MYH1: variants seen among roughly 807,000 people sequenced by gnomAD.
MYH1 encodes the protein myosin heavy chain 1, also known as myosin-1.
A neutral mutation model predicts 225.6 loss-of-function variants in MYH1; 214 were observed. The ratio of observed to expected loss-of-function variants is 0.95; its 90% CI spans 0.85 to 1.06. MYH1 has a LOEUF of 1.06. Among genes scored for constraint, MYH1 ranks in the 50% least tolerant of loss-of-function variants. The pLI is 0.00. For synonymous variants in MYH1, 774 were observed against 842.3 expected, an observed-to-expected ratio of 0.92 and a Z score of 1.40; for missense variants, 2,098 against 2,344.2, an observed-to-expected ratio of 0.89 and a Z score of 2.17.
Position 10,508,386 on chromosome 17 carries a change from A to G in MYH1, c.1874T>C (p.Val625Ala), listed in dbSNP as rs1256405555. 10 of 1,607,116 alleles carry G rather than the reference A, an allele frequency of 6.2e-6. No individual in the cohort carries two copies. The highest frequency in any genetic ancestry group is 8.5e-6 in the Non-Finnish European group (10 of 1,176,498). Residue 625 changes from valine to alanine, a missense_variant, in exon 16 of 40, where the codon GTT (valine) becomes GCT (alanine). Physicochemically the swap from Val to Ala is moderately conservative, Grantham distance 64 (BLOSUM62 0). Coordinates refer to ENST00000226207, the MANE Select transcript of MYH1 (RefSeq NM_005963.4). ...SAMKTLALLF[V>A]GATGAEAEAG... ...ACCTGCTTCCGCTCCCGTTGCCCCA[A>G]CAAAGAGGAGAGCCAGAGTCTTCAT...
Position 10,513,657 on chromosome 17 carries a change from T to G in MYH1, c.774A>C (p.Thr258=). ...GKFIRIHFGT[T]GKLASADIET... is the part of the protein sequence containing the mutation. Reference sequence around the variant, plus strand: ...CAATATCAGCAGAAGCCAGTTTCCCTGTGGTACCGAAGTGGATCCTGATGA... The same window carrying G: ...CAATATCAGCAGAAGCCAGTTTCCCGGTGGTACCGAAGTGGATCCTGATGA... Residue 258 remains threonine (T), a synonymous_variant, in exon 9 of 40, where the codon ACA becomes ACC. Coordinates refer to ENST00000226207, the MANE Select transcript of MYH1 (RefSeq NM_005963.4). 6.2e-7 allele frequency: 1 copy of G among 1,614,120 alleles called. No homozygotes were observed. The highest frequency in any genetic ancestry group is 8.5e-7 in the Non-Finnish European group (1 of 1,179,960).
Position 10,501,270 on chromosome 17 carries a change from G to T in MYH1, c.3578C>A (p.Ala1193Glu), listed in dbSNP as rs563239651. 6.2e-7 allele frequency: 1 copy of T among 1,614,060 alleles called. No individual in the cohort carries two copies. The highest frequency in any genetic ancestry group is 1.7e-5 in the Admixed American group (1 of 60,006). Reference sequence around the variant, plus strand: ...TGCATGCTTCTTCCTCAGGGTGGCCGCCGTGGCTTCATGCTGTAGGGTGGC... The same window carrying T: ...TGCATGCTTCTTCCTCAGGGTGGCCTCCGTGGCTTCATGCTGTAGGGTGGC... ...EEATLQHEAT[A>E]ATLRKKHADS... Residue 1193 changes from alanine (A) to glutamate (E), a missense_variant, in exon 27 of 40, where the codon GCG becomes GAG. Coordinates refer to ENST00000226207, the MANE Select transcript of MYH1 (RefSeq NM_005963.4).
chr17:10,492,362 A>G lies in MYH1; in HGVS notation c.*54T>C. 10 of 1,593,204 alleles carry G rather than the reference A, an allele frequency of 6.3e-6. No homozygotes were observed. The South Asian group carries it at 1.1e-4, about 18-fold the overall frequency. On this transcript the variant is annotated 3_prime_UTR_variant, in exon 40 of 40. Transcript: ENST00000226207. ...AGTCATAAGTACAAAATGGAGTGACAAAGATTTTCACATTTTGTGCATTTC... is the reference window on the plus strand; with the variant it reads ...AGTCATAAGTACAAAATGGAGTGACGAAGATTTTCACATTTTGTGCATTTC...
Position 10,497,205 on chromosome 17 carries a change from C to G in MYH1, c.4532-12G>C, listed in dbSNP as rs3764851. On this transcript the variant is annotated splice_polypyrimidine_tract_variant and intron_variant, in intron 32 of 39. Transcript: ENST00000226207. ...ATCAGAAATCTCCTCTGTTGGTGAA[C>G]AAAAAATATAGAAATTTGTTTATAG... 1.9e-6 allele frequency: 3 copies of G among 1,598,750 alleles called. No individual in the cohort carries two copies. The highest frequency in any genetic ancestry group is 1.8e-5 in the Admixed American group (1 of 55,842).
chr17:10,493,863 C>A (rs955697873), intron 39 of MYH1, among the ~76,000 whole-genome samples: 1 of 152,184 alleles, frequency 6.6e-6, no homozygotes, highest in Non-Finnish European at 1.5e-5. Context: ...CTCTCTTATC[C>A]AAGCCACAGA....
At chr17:10,499,185 A>C (rs2073028560) in intron 28 of MYH1, 93 bp from the exon 29 acceptor site, 1 of 1,048,890 alleles carries the variant, frequency 9.5e-7, no homozygotes, top group Non-Finnish European at 1.5e-6. Context: ...CCAAGTTTGA[A>C]ACTTGATGGA....
rs138500362 is a variant in MYH1, at chr17:10,509,263, C to T, written c.1587+222G>A. ...AGGAAAGATGACTTTAAATGTAAGA[C>T]TTTGTATTGCAAACTGTGGGTAAGT... On this transcript the variant is annotated intron_variant, in intron 15 of 39. Coordinates refer to ENST00000226207, the MANE Select transcript of MYH1 (RefSeq NM_005963.4). 2.5e-3 allele frequency among the ~76,000 whole-genome samples: 385 copies of T among 152,246 alleles called. 2 individuals carry two copies. Among genetic ancestry groups the T allele is most frequent in the South Asian group, 5.8e-3 (28 of 4,828 alleles).
At chr17:10,501,528 A>G (rs762054883) in intron 26 of MYH1, 29 bp from the exon 27 acceptor site, 18 of 1,613,338 alleles carry the variant, frequency 1.1e-5, no homozygotes, top group Non-Finnish European at 1.0e-5. Context: ...ATTAATACGA[A>G]CTCAACTTCT....
chr17:10,501,125 A>T lies in MYH1; in HGVS notation c.3723T>A (p.Thr1241=). 1 of 1,613,924 alleles carries T rather than the reference A, an allele frequency of 6.2e-7. No homozygotes were observed. The highest frequency in any genetic ancestry group is 8.5e-7 in the Non-Finnish European group (1 of 1,179,784). ...EIDDLASNME[T]VSKAKGNLEK... is the part of the protein sequence containing the mutation. ...TTGATTGTACCTTGGCTTTGGAGAC[A>T]GTCTCCATGTTACTAGCAAGGTCAT... is the stretch of plus-strand genomic sequence containing the variant. The change falls in exon 27 of 40, where the codon ACT becomes ACA. Residue 1241 remains threonine, a synonymous_variant. Transcript: ENST00000226207.
intron 17 of MYH1, among the ~76,000 whole-genome samples, chr17:10,506,349 GTA>G (rs2073112305): frequency 1.3e-5 from 2 of 151,992 alleles, no homozygotes; most frequent in Non-Finnish European, 2.9e-5. Flanking sequence ...TAATTTCCTA[GTA>G]TATGTTTTAA....
At chr17:10,508,947 G>C (rs2073145235) in intron 15 of MYH1, among the ~76,000 whole-genome samples, 1 of 152,276 alleles carries the variant, frequency 6.6e-6, no homozygotes, top group East Asian at 1.9e-4. Flanking sequence ...AAAGACCTGA[G>C]AGCAATATTT....
At chr17:10,502,007 T>G in intron 24 of MYH1, 96 bp from the exon 25 acceptor site, 1 of 1,254,332 alleles carries the variant, frequency 8.0e-7, no homozygotes, top group East Asian at 2.4e-5. Flanking sequence ...AGCAAACTAT[T>G]TTTCTATGAA....
chr17:10,497,698 T>C (rs762476787), intron 31 of MYH1, 36 bp downstream of exon 31: 5 of 1,610,384 alleles, frequency 3.1e-6, no homozygotes, highest in Middle Eastern at 1.7e-4. Flanking sequence ...TTGTTAATTC[T>C]GTGTTGAAAG....
chr17:10,497,918 C>T lies in MYH1; in HGVS notation c.4182-1G>A. 6.3e-7 allele frequency: 1 copy of T among 1,595,546 alleles called. No homozygotes were observed. ...CTGCAGACGCTGAGCCAGCTTCTTC[C>T]TATGAAATATGGGCAATAAAAGTGA... On this transcript the variant is annotated splice_acceptor_variant, in intron 30 of 39. Coordinates refer to ENST00000226207, the MANE Select transcript of MYH1 (RefSeq NM_005963.4). LOFTEE classifies it high-confidence loss of function.
chr17:10,506,830 C>G (rs2073117488), intron 17 of MYH1, among the ~76,000 whole-genome samples: 1 of 152,158 alleles, frequency 6.6e-6, no homozygotes, highest in South Asian at 2.1e-4. Context: ...TCACTTGTAT[C>G]TGTGTGTCTA....
chr17:10,504,694 G>T, intron 22 of MYH1, 116 bp downstream of exon 22: 1 of 1,182,968 alleles, frequency 8.5e-7, no homozygotes, highest in Non-Finnish European at 1.2e-6. Flanking sequence ...AAGGAGTTGT[G>T]GATTATTAAA....
rs2072994597 is a variant in MYH1 at position 10,496,366 on chromosome 17, C to A, written c.4840G>T (p.Asp1614Tyr). The change falls in exon 34 of 40, where the codon GAT (aspartate) becomes TAT (tyrosine). Residue 1614 changes from aspartate (D) to tyrosine (Y), a missense_variant. By Grantham distance (160) the Asp-to-Tyr change is radical. Transcript: ENST00000226207. ...ATCTTCTTCTTGAGCCTAATGGCAT[C>A]ATTCCTGCTCCTGATCTCAGCATCC... ...TLDAEIRSRN[D>Y]AIRLKKKMEG... 1 of 1,613,988 alleles carries A rather than the reference C, an allele frequency of 6.2e-7. No individual in the cohort carries two copies.
intron 35 of MYH1, among the ~76,000 whole-genome samples, 190 bp downstream of exon 35, chr17:10,495,760 C>CAAAAAAAAAAAA (rs3050883): frequency 0.23 from 9,613 of 41,766 alleles, 3,546 homozygotes; most frequent in East Asian, 0.39. Context: ...GACTCCGTCT[C>CAAAAAAAAAAAA]AAAAAAAAAA....
rs753309532 is a variant in MYH1 at position 10,512,321 on chromosome 17, G to A, written c.1147+87C>T. On this transcript the variant is annotated intron_variant, in intron 12 of 39. Coordinates refer to ENST00000226207, the MANE Select transcript of MYH1 (RefSeq NM_005963.4). ...GTACATCTGAGTATGTCCATCAGGA[G>A]CTCAGCTGTAAAGAAGACTTGAATT... The A allele has an allele frequency of 3.8e-5, 61 of 1,602,710 alleles. No individual in the cohort carries two copies. In the African/African-American group the frequency reaches 7.5e-4, roughly 20 times the overall value.
Sources: gnomAD v4.1 joint callset for allele counts (sites outside exome capture counted in the v4.1 genomes callset) on GRCh38, gnomAD v4.1.1 for gene constraint, MANE v1.5 for transcripts, NCBI Gene and HGNC (gene_info 2026-07-23, HGNC 2026-07-21) for gene names.